Variants in FCHO2 observed in about 807,000 individuals in gnomAD.
The protein encoded by FCHO2 is FCH and mu domain containing endocytic adaptor 2, also known as F-BAR domain only protein 2.
FCHO2 carries 43 observed loss-of-function variants against 114.1 expected under a neutral mutation model. The ratio of observed to expected loss-of-function variants is 0.38; its 90% CI spans 0.30 to 0.49. The LOEUF is 0.49. Ranked by LOEUF, FCHO2 falls within the 20% of genes least tolerant of loss-of-function variation. The probability of loss-of-function intolerance (pLI) is 0.97; values close to 1 mark genes in which losing one functional copy is unlikely to be tolerated. For missense variants in FCHO2, 807 were observed against 950.4 expected (o/e 0.85, Z 1.98); for synonymous variants, 293 against 315.2 (o/e 0.93, Z 0.75).
chr5:72,960,385 A>C (rs1751791705), intron 1 of FCHO2, among the ~76,000 whole-genome samples: 1 of 152,222 alleles, frequency 6.6e-6, no homozygotes, highest in Admixed American at 6.5e-5. Context: ...GAAGTATAGC[A>C]CCATTGATAA....
chr5:72,992,977 A>C (rs1035205411), intron 5 of FCHO2, among the ~76,000 whole-genome samples: 1 of 150,976 alleles, frequency 6.6e-6, no homozygotes, highest in African/African-American at 2.4e-5. Context: ...AAAAAAAAAA[A>C]CTCCTATTCT....
intron 15 of FCHO2, among the ~76,000 whole-genome samples, chr5:73,055,543 C>T (rs1000715822): frequency 8.5e-5 from 13 of 152,188 alleles, no homozygotes; most frequent in African/African-American, 2.7e-4. Flanking sequence ...AAATGAGGCA[C>T]ATTACAAATC....
chr5:73,030,258 C>T (rs1440501394), intron 8 of FCHO2, among the ~76,000 whole-genome samples: 3 of 151,908 alleles, frequency 2.0e-5, no homozygotes, highest in Non-Finnish European at 2.9e-5. Context: ...GCCAGGCTGG[C>T]GTTGGACTCC....
chr5:73,055,976 G>T (rs1561482967), intron 15 of FCHO2, 89 bp from the exon 16 acceptor site: 3 of 845,410 alleles, frequency 3.5e-6, no homozygotes, highest in Non-Finnish European at 5.5e-6. Context: ...TTGTTATAGT[G>T]TTGAGATATG....
chr5:72,985,809 T>G (rs1362368805), intron 2 of FCHO2, among the ~76,000 whole-genome samples: 1 of 152,188 alleles, frequency 6.6e-6, no homozygotes, highest in Admixed American at 6.5e-5. Flanking sequence ...TTTTCAGCGG[T>G]TTTTACTCTA....
chr5:73,040,157 T>C (rs1756738382), intron 10 of FCHO2, among the ~76,000 whole-genome samples: 1 of 152,184 alleles, frequency 6.6e-6, no homozygotes, highest in Non-Finnish European at 1.5e-5. Context: ...TTTATCTGTT[T>C]GTATAAGATT....
chr5:73,022,172 G>C (rs566777174), intron 8 of FCHO2, among the ~76,000 whole-genome samples: 29 of 152,216 alleles, frequency 1.9e-4, no homozygotes, highest in African/African-American at 6.0e-4. Flanking sequence ...AAACCAGGGG[G>C]ACTTGACCTT....
intron 2 of FCHO2, among the ~76,000 whole-genome samples, chr5:72,983,063 G>A (rs1033983799): frequency 8.0e-4 from 121 of 151,892 alleles, no homozygotes; most frequent in African/African-American, 2.4e-3. Context: ...ACAGGCACCC[G>A]CCACCACACC....
In FCHO2 at chr5:73,084,255, G is replaced by T. The variant is rs138511205; in HGVS notation, c.2245+1430G>T. On this transcript the variant is annotated intron_variant, in intron 24 of 25. Coordinates refer to ENST00000430046, the MANE Select transcript of FCHO2 (RefSeq NM_138782.3). ...TTTTCTGCTTGTTTTTTTAGGGTTTGGTTTTGTTTTGTTTTGTTTTGTTTT... is the reference window on the plus strand; with the variant it reads ...TTTTCTGCTTGTTTTTTTAGGGTTTTGTTTTGTTTTGTTTTGTTTTGTTTT... 5.5e-3 allele frequency among the ~76,000 whole-genome samples: 837 copies of T among 151,678 alleles called. 9 individuals carry two copies. Among genetic ancestry groups the T allele is most frequent in the South Asian group, 0.054 (261 of 4,802 alleles).
intron 2 of FCHO2, among the ~76,000 whole-genome samples, chr5:72,974,359 A>G (rs1040289580): frequency 1.4e-5 from 2 of 143,278 alleles, no homozygotes; most frequent in African/African-American, 5.2e-5. Flanking sequence ...TAGGTCACTC[A>G]GGACTTGCTT....
intron 16 of FCHO2, among the ~76,000 whole-genome samples, chr5:73,057,483 C>T (rs907739652): frequency 1.3e-5 from 2 of 152,010 alleles, no homozygotes; most frequent in Non-Finnish European, 2.9e-5. Context: ...TATGTAATTA[C>T]AGCACTTTCA....
chr5:73,051,487 C>T (rs1231123081), intron 12 of FCHO2, 81 bp downstream of exon 12: 2 of 789,248 alleles, frequency 2.5e-6, no homozygotes, highest in East Asian at 6.2e-5. Flanking sequence ...GTATTAAAGC[C>T]TCTTCCAATT....
chr5:73,002,875 G>T (rs1209250794), intron 5 of FCHO2, among the ~76,000 whole-genome samples: 1 of 151,884 alleles, frequency 6.6e-6, no homozygotes, highest in East Asian at 1.9e-4. Flanking sequence ...GAGAAGGTGT[G>T]GTATCTTATT....
intron 1 of FCHO2, among the ~76,000 whole-genome samples, chr5:72,962,122 G>A (rs913890289): frequency 2.6e-5 from 4 of 152,154 alleles, no homozygotes; most frequent in African/African-American, 9.7e-5. Flanking sequence ...AATTTGAGAG[G>A]CCCTTAGAAT....
Position 73,072,812 on chromosome 5 carries a change from G to C in FCHO2, c.1580-1930G>C, listed in dbSNP as rs117870190. ...CAGAGTTATGGAGATGGATGATAGT[G>C]ATTGTTGCACAGCGTTATGAATATA... On this transcript the variant is annotated intron_variant, in intron 19 of 25. Transcript: ENST00000430046. Among the ~76,000 whole-genome samples the C allele has an allele frequency of 3.9e-5, 6 of 152,110 alleles. No individual in the cohort carries two copies. In the East Asian group the frequency reaches 1.2e-3, roughly 29 times the overall value.
At chr5:73,019,221 A>G (rs1580113828) in intron 8 of FCHO2, among the ~76,000 whole-genome samples, 1 of 152,220 alleles carries the variant, frequency 6.6e-6, no homozygotes, top group African/African-American at 2.4e-5. Flanking sequence ...TATGGCTTCC[A>G]TCATTAACAT....
At chr5:73,021,072 A>G (rs1755600163) in intron 8 of FCHO2, 1 of 877,874 alleles carries the variant, frequency 1.1e-6, no homozygotes, top group Non-Finnish European at 2.0e-6. Flanking sequence ...CTCCCTCTGG[A>G]AAGAAGACAT....
rs143130491 is a variant in FCHO2 at position 73,037,820 on chromosome 5, G to C, written c.914+605G>C. 1.6e-3 allele frequency: 569 copies of C among 348,996 alleles called. 5 individuals are homozygous for C. Among genetic ancestry groups the C allele is most frequent in the African/African-American group, 0.012 (544 of 44,204 alleles). 21.6% of individuals were successfully genotyped at this position (348,996 alleles called of 1,614,324 possible). A position where few individuals can be genotyped will look rare whatever the true frequency, so the allele number is the denominator to read the frequency against. On this transcript the variant is annotated intron_variant, in intron 10 of 25. Coordinates refer to ENST00000430046, the MANE Select transcript of FCHO2 (RefSeq NM_138782.3). ...TGCCCAGGTTGGAATGCAATGGCGC[G>C]ATCTTGGCTTACTGCATTCTCCACC...
chr5:73,062,524 TGCACATTTCTTCCAGGGTACA>T (rs2112860755), intron 17 of FCHO2, among the ~76,000 whole-genome samples: 1 of 152,168 alleles, frequency 6.6e-6, no homozygotes, highest in South Asian at 2.1e-4. Flanking sequence ...CAGATTTTGG[TGCACATTTCTTCCAGGGTACA>T]GCTTCAAGTG....
Sources: allele counts gnomAD v4.1 joint callset (sites outside exome capture counted in the v4.1 genomes callset), GRCh38; gene constraint gnomAD v4.1.1; transcripts MANE v1.5; gene names NCBI Gene and HGNC (gene_info 2026-07-23, HGNC 2026-07-21).